ATP10B: variants seen among roughly 807,000 people sequenced by gnomAD.
ATP10B encodes the protein phospholipid-transporting ATPase VB.
A neutral mutation model predicts 141.2 loss-of-function variants in ATP10B; 122 were observed. The observed-to-expected ratio is 0.86, with a 90% CI of 0.75 to 1.00. The LOEUF (loss-of-function observed/expected upper bound fraction) is 1.00, where lower values mean the gene tolerates loss of function less well. Among genes scored for constraint, ATP10B ranks in the 50% least tolerant of loss-of-function variants. ATP10B has a pLI of 0.00. For missense variants in ATP10B, 1,876 were observed against 1,825.3 expected (o/e 1.03, Z -0.51); for synonymous variants, 685 against 692.0 (o/e 0.99, Z 0.16).
chr5:160,716,332 C>T (rs1765658364), intron 3 of ATP10B, among the ~76,000 whole-genome samples: 1 of 152,108 alleles, frequency 6.6e-6, no homozygotes, highest in Non-Finnish European at 1.5e-5. Flanking sequence ...AAGCACTTTG[C>T]ATGTCAATAT....
the ATP10B span, among the ~76,000 whole-genome samples, chr5:160,879,171 T>C: frequency 2.2e-5 from 1 of 46,020 alleles, no homozygotes; most frequent in Non-Finnish European, 4.4e-5. Context: ...ATTAAGAAAA[T>C]GTGGCACATA....
chr5:160,850,067 A>G (rs1378374748), intron 1 of ATP10B, among the ~76,000 whole-genome samples: 1 of 152,162 alleles, frequency 6.6e-6, no homozygotes, highest in Non-Finnish European at 1.5e-5. Context: ...AGAAATTTTC[A>G]TTCCCTTCTG....
chr5:160,880,334 G>C, the ATP10B span, among the ~76,000 whole-genome samples: 11,438 of 150,876 alleles, frequency 0.076, 607 homozygotes, highest in Middle Eastern at 0.14. Context: ...ATATTTCATG[G>C]GTAGGAAAAC....
intron 8 of ATP10B, among the ~76,000 whole-genome samples, chr5:160,646,308 G>A (rs1483843827): frequency 1.3e-5 from 2 of 152,118 alleles, no homozygotes; most frequent in Non-Finnish European, 2.9e-5. Context: ...TTTCTTGCTA[G>A]TATGTTCTTG....
At chr5:160,837,617 A>G (rs1775533483) in intron 1 of ATP10B, among the ~76,000 whole-genome samples, 1 of 65,466 alleles carries the variant, frequency 1.5e-5, no homozygotes, top group African/African-American at 3.9e-5. Context: ...TCATTAAAAT[A>G]TCATTTGTTG....
At chr5:160,775,622 C>T (rs962099285) in intron 2 of ATP10B, among the ~76,000 whole-genome samples, 2 of 151,974 alleles carry the variant, frequency 1.3e-5, no homozygotes, top group South Asian at 2.1e-4. Flanking sequence ...CCAAGCTCCA[C>T]CACTTACTAG....
intron 24 of ATP10B, among the ~76,000 whole-genome samples, chr5:160,580,893 G>A (rs967439807): frequency 6.6e-6 from 1 of 152,166 alleles, no homozygotes; most frequent in Non-Finnish European, 1.5e-5. Flanking sequence ...TTGGGAGAGT[G>A]TATGTGTCCA....
the ATP10B span, among the ~76,000 whole-genome samples, chr5:160,858,157 T>C: frequency 6.6e-6 from 1 of 151,956 alleles, no homozygotes; most frequent in Non-Finnish European, 1.5e-5. Context: ...ACTATGTTGT[T>C]TGGTGCATAC....
chr5:160,879,398 A>C, the ATP10B span, among the ~76,000 whole-genome samples: 1 of 95,896 alleles, frequency 1.0e-5, no homozygotes, highest in African/African-American at 4.4e-5. Context: ...GGGTGGGGGG[A>C]GGGGGGAGGG....
At chr5:160,599,000 G>A in intron 21 of ATP10B, 30 bp from the exon 22 acceptor site, 1 of 1,608,354 alleles carries the variant, frequency 6.2e-7, no homozygotes, top group Non-Finnish European at 8.5e-7. Context: ...CCTTGTGAGT[G>A]GGGCTCCATG....
the ATP10B span, among the ~76,000 whole-genome samples, chr5:160,885,111 G>A: frequency 1.3e-5 from 2 of 152,124 alleles, no homozygotes; most frequent in South Asian, 4.1e-4. Context: ...TGATCCTTTT[G>A]GGAATAGGCA....
chr5:160,644,883 C>T (rs974342991), intron 8 of ATP10B, among the ~76,000 whole-genome samples: 3 of 151,946 alleles, frequency 2.0e-5, no homozygotes, highest in Non-Finnish European at 4.4e-5. Context: ...TTTGGGAGGC[C>T]GAGGCAGGTG....
At chr5:160,589,769 A>G (rs1385309747) in intron 23 of ATP10B, 73 bp from the exon 24 acceptor site, 2 of 1,135,644 alleles carry the variant, frequency 1.8e-6, no homozygotes, top group Non-Finnish European at 2.7e-6. Context: ...CAGTGATTAT[A>G]AAGCATCAAT....
chr5:160,854,823 A>G (rs1223071325), upstream of ATP10B, among the ~76,000 whole-genome samples: 1 of 152,166 alleles, frequency 6.6e-6, no homozygotes, highest in African/African-American at 2.4e-5. Context: ...GCACCATGTT[A>G]AGTGCTCTAC....
At chr5:160,748,201 C>T (rs939433479) in intron 2 of ATP10B, among the ~76,000 whole-genome samples, 19 of 152,028 alleles carry the variant, frequency 1.2e-4, no homozygotes, top group African/African-American at 3.9e-4. Context: ...CCCAGGACTT[C>T]GTGTGAATTG....
intron 13 of ATP10B, among the ~76,000 whole-genome samples, chr5:160,625,908 T>C (rs1355594948): frequency 2.0e-5 from 3 of 152,204 alleles, no homozygotes; most frequent in East Asian, 3.9e-4. Flanking sequence ...TCCCATCCAA[T>C]CTTGTAGCAA....
intron 18 of ATP10B, among the ~76,000 whole-genome samples, chr5:160,610,387 C>T (rs974707872): frequency 1.3e-5 from 2 of 152,178 alleles, no homozygotes; most frequent in African/African-American, 4.8e-5. Flanking sequence ...AAACCACCCA[C>T]CTGTTGAGCC....
chr5:160,586,410 C>T lies in ATP10B; in HGVS notation c.3750+3182G>A, dbSNP rs937304643. Among the ~76,000 whole-genome samples the T allele has an allele frequency of 2.6e-5, 4 of 152,144 alleles. No individual in the cohort carries two copies. The South Asian group carries it at 6.2e-4, about 24-fold the overall frequency. ...TATTTGGGTTGGTTCCATGTCTTTGCTATTGTAAATAGTGCTGCAATAAAT... is the reference window on the plus strand; with the variant it reads ...TATTTGGGTTGGTTCCATGTCTTTGTTATTGTAAATAGTGCTGCAATAAAT... On this transcript the variant is annotated intron_variant, in intron 24 of 25. Transcript: ENST00000327245.
chr5:160,573,874 A>G (rs886215995), intron 24 of ATP10B, among the ~76,000 whole-genome samples: 2 of 152,170 alleles, frequency 1.3e-5, no homozygotes, highest in African/African-American at 2.4e-5. Flanking sequence ...TATTTTTCTG[A>G]TCGATGAATA....
Sources: gnomAD v4.1 joint callset for allele counts (sites outside exome capture counted in the v4.1 genomes callset) on GRCh38, gnomAD v4.1.1 for gene constraint, MANE v1.5 for transcripts, NCBI Gene and HGNC (gene_info 2026-07-23, HGNC 2026-07-21) for gene names.